The following CHIT1 variants were observed in gnomAD, a reference collection of about 807,000 sequenced individuals.
CHIT1 encodes chitotriosidase-1.
In CHIT1, 47 loss-of-function variants were observed where a neutral mutation model predicts 52.0. The ratio of observed to expected loss-of-function variants is 0.90; its 90% confidence interval spans 0.71 to 1.15. CHIT1 has a LOEUF of 1.15. Among genes scored for constraint, CHIT1 ranks in the 50% most tolerant of loss-of-function variants. CHIT1 has a pLI of 0.00. For missense variants in CHIT1, 569 were observed against 583.0 expected (o/e 0.98, Z 0.25); for synonymous variants, 242 against 228.2 (o/e 1.06, Z -0.54).
chr1:203,219,583 A>G, intron 8 of CHIT1, 81 bp downstream of exon 8: 1 of 1,508,040 alleles, frequency 6.6e-7, no homozygotes, highest in South Asian at 1.1e-5. Context: ...CTTACTCAGA[A>G]ACGGTGGGAG....
Position 203,225,741 on chromosome 1 carries a change from G to A in CHIT1, c.185C>T (p.Thr62Ile). The A allele has an allele frequency of 6.2e-7, 1 of 1,614,188 alleles. No homozygotes were observed. Among genetic ancestry groups the A allele is most frequent in the South Asian group, 1.1e-5 (1 of 91,084 alleles). Residue 62 changes from threonine (T) to isoleucine (I), a missense_variant, in exon 3 of 11, where the codon ACC (threonine) becomes ATC (isoleucine). Physicochemically the swap from Thr to Ile is moderately conservative, Grantham distance 89. Transcript: ENST00000367229. The stretch of plus-strand genomic sequence containing the variant: ...CTCAGTGGTGCTCAGCTGGTGGTTG[G>A]TCATGCCAGCGAAGGCGTAGATGAG... The part of the protein sequence containing the change: ...THLIYAFAGM[T>I]NHQLSTTEWN...
chr1:203,225,258 T>C (rs1462249599), intron 3 of CHIT1, among the ~76,000 whole-genome samples, 154 bp from the exon 4 acceptor site: 1 of 151,780 alleles, frequency 6.6e-6, no homozygotes, highest in Non-Finnish European at 1.5e-5. Flanking sequence ...CAGCTGTAGA[T>C]TGGAAAAGGG....
intron 10 of CHIT1, 21 bp from the exon 11 acceptor site, chr1:203,217,154 C>G (rs1053066614): frequency 6.2e-7 from 1 of 1,600,750 alleles, no homozygotes; most frequent in Non-Finnish European, 8.5e-7. Flanking sequence ...AGTGAAGATT[C>G]AACCAAGGCT....
In CHIT1 at chr1:203,216,697, G is replaced by T; in HGVS notation, c.*192C>A. ...GGGGCACAAACCAAAGATTTATTTT[G>T]CAAGTGAAAGGGGCAGCCCAGGAGA... is the stretch of plus-strand genomic sequence containing the variant. On this transcript the variant is annotated 3_prime_UTR_variant, in exon 11 of 11. Transcript: ENST00000367229. 1 of 729,556 alleles carries T rather than the reference G, an allele frequency of 1.4e-6. No homozygotes were observed. Among genetic ancestry groups the T allele is most frequent in the Non-Finnish European group, 2.4e-6 (1 of 416,334 alleles). 45.2% of individuals were successfully genotyped at this position (729,556 alleles called of 1,614,324 possible).
chr1:203,223,169 CAT>C lies in CHIT1; in HGVS notation c.569_570del (p.Tyr190CysfsTer35). The C allele has an allele frequency of 6.2e-7, 1 of 1,614,234 alleles. No individual in the cohort carries two copies. Among genetic ancestry groups the C allele is most frequent in the Non-Finnish European group, 8.5e-7 (1 of 1,180,038 alleles). ...LSAAVPAGQTYVDAGYEVDKI... is the reference protein window; with the variant it reads ...LSAAVPAGQTXVDAGYEVDKI... ...TTGTCCACCTCGTATCCAGCATCCA[CAT>C]AGGTCTGCCCAGCTGGAACCGCTGC... On this transcript the variant is annotated frameshift_variant, in exon 6 of 11. Transcript: ENST00000367229. LOFTEE classifies it high-confidence loss of function.
In CHIT1 at chr1:203,225,778, G is replaced by A. The variant is rs1446773799; in HGVS notation, c.148C>T (p.Leu50Phe). The change falls in exon 3 of 11, where the codon CTT becomes TTT. Residue 50 changes from leucine to phenylalanine, a missense_variant. Physicochemically the swap from Leu to Phe is conservative, Grantham distance 22 (BLOSUM62 0). Transcript: ENST00000367229. Reference sequence around the variant, plus strand: ...AAGGCGTAGATGAGGTGGGTGCAAAGGCTGGGGTCCAAGTCCTTGGGCAGG... The same window carrying A: ...AAGGCGTAGATGAGGTGGGTGCAAAAGCTGGGGTCCAAGTCCTTGGGCAGG... ...RFLPKDLDPSLCTHLIYAFAG... is the reference protein window; with the variant it reads ...RFLPKDLDPSFCTHLIYAFAG... 1.2e-6 allele frequency: 2 copies of A among 1,614,184 alleles called. No homozygotes were observed. Among genetic ancestry groups the A allele is most frequent in the Non-Finnish European group, 1.7e-6 (2 of 1,180,032 alleles).
rs114939540 is a variant in CHIT1 at position 203,228,627 on chromosome 1, C to T, written c.26-65G>A. 1,839 of 1,531,994 alleles carry T rather than the reference C, an allele frequency of 1.2e-3. 23 individuals are homozygous for T. The African/African-American group carries it at 0.024, about 20-fold the overall frequency. 94.9% of individuals were successfully genotyped at this position (1,531,994 alleles called of 1,614,324 possible). A position where few individuals can be genotyped will look rare whatever the true frequency, so the allele number is the denominator to read the frequency against. ...ATTCTCACCTTCCCAGGCCCCACAGCTTACGGAAGCACAGGAGGTGGTCAG... is the reference window on the plus strand; with the variant it reads ...ATTCTCACCTTCCCAGGCCCCACAGTTTACGGAAGCACAGGAGGTGGTCAG... On this transcript the variant is annotated intron_variant, in intron 1 of 10. Coordinates refer to ENST00000367229, the MANE Select transcript of CHIT1 (RefSeq NM_003465.3).
At chr1:203,222,436 C>T in intron 6 of CHIT1, 111 bp from the exon 7 acceptor site, 1 of 1,534,742 alleles carries the variant, frequency 6.5e-7, no homozygotes, top group East Asian at 2.3e-5. Context: ...CCACTGGGGT[C>T]AGAGGCAAAG....
At chr1:203,227,780 T>C (rs935441006) in intron 2 of CHIT1, among the ~76,000 whole-genome samples, 1 of 152,218 alleles carries the variant, frequency 6.6e-6, no homozygotes, top group Admixed American at 6.5e-5. Flanking sequence ...TGAGAAATCT[T>C]CCACCTCTCA....
Position 203,223,573 on chromosome 1 carries a change from G to T in CHIT1, c.402C>A (p.Gly134=). The change falls in exon 5 of 11, where the codon GGC becomes GGA. Residue 134 remains glycine (G), a synonymous_variant. Transcript: ENST00000367229. ...CTGGGTACTCCCAGTCAAGGTCAAG[G>T]CCGTCAAAGCTGTATTTGCGCAGAA... ...IRFLRKYSFD[G]LDLDWEYPGS... 6.2e-7 allele frequency: 1 copy of T among 1,614,186 alleles called. No individual in the cohort carries two copies. The highest frequency in any genetic ancestry group is 8.5e-7 in the Non-Finnish European group (1 of 1,180,028).
rs1558159341 is a variant in CHIT1, at chr1:203,219,691, C to T, written c.888G>A (p.Lys296=). The T allele has an allele frequency of 6.2e-7, 1 of 1,614,186 alleles. No homozygotes were observed. The highest frequency in any genetic ancestry group is 2.2e-5 in the East Asian group (1 of 44,878). The change falls in exon 8 of 11, where the codon AAG becomes AAA. Residue 296 remains lysine, a synonymous_variant. Coordinates refer to ENST00000367229, the MANE Select transcript of CHIT1 (RefSeq NM_003465.3). ...TGSGTPGPFT[K]EGGMLAYYEV... is the part of the protein sequence containing the mutation. Reference sequence around the variant, plus strand: ...CATAGTAGGCCAGCATCCCTCCTTCCTTGGTGAAGGGGCCTGGAGTGCCAG... The same window carrying T: ...CATAGTAGGCCAGCATCCCTCCTTCTTTGGTGAAGGGGCCTGGAGTGCCAG...
chr1:203,225,869 G>A lies in CHIT1; in HGVS notation c.57C>T (p.Gly19=). ...GFMVLLMIPW[G]SAAKLVCYFT... is the part of the protein sequence containing the mutation. ...AGTAGCAGACCAGTTTTGCAGCAGA[G>A]CCTGGCCCGTTGGAGTAAAGAAAAG... The change falls in exon 3 of 11, where the codon GGC becomes GGT. Residue 19 remains glycine, a splice_region_variant and synonymous_variant. Transcript: ENST00000367229. The A allele has an allele frequency of 6.2e-7, 1 of 1,614,182 alleles. No individual in the cohort carries two copies. Among genetic ancestry groups the A allele is most frequent in the Non-Finnish European group, 8.5e-7 (1 of 1,180,030 alleles).
rs1239652506 is a variant in CHIT1, at chr1:203,226,516, G to T, written c.56-646C>A. Among the ~76,000 whole-genome samples the T allele has an allele frequency of 2.6e-5, 4 of 152,318 alleles. No homozygotes were observed. The South Asian group carries it at 8.3e-4, about 32-fold the overall frequency. On this transcript the variant is annotated intron_variant, in intron 2 of 10. Coordinates refer to ENST00000367229, the MANE Select transcript of CHIT1 (RefSeq NM_003465.3). Reference sequence around the variant, plus strand: ...GAGGAGGCCCCAGTTACAGGCCTGGGTTTATGTTTCTTTAGTCTTGCATTA... The same window carrying T: ...GAGGAGGCCCCAGTTACAGGCCTGGTTTTATGTTTCTTTAGTCTTGCATTA...
At chr1:203,219,468 C>G in intron 8 of CHIT1, 139 bp from the exon 9 acceptor site, 1 of 869,172 alleles carries the variant, frequency 1.2e-6, no homozygotes, top group East Asian at 2.5e-5. Flanking sequence ...TTTGCAGTGA[C>G]CTAGAATTCT....
chr1:203,229,463 G>T (rs1021476040), intron 1 of CHIT1, 149 bp downstream of exon 1: 5 of 846,156 alleles, frequency 5.9e-6, no homozygotes, highest in African/African-American at 1.7e-5. Flanking sequence ...GGGACTGCAA[G>T]CCAGGAGGCA....
intron 7 of CHIT1, 141 bp downstream of exon 7, chr1:203,222,061 G>T: frequency 1.6e-6 from 2 of 1,239,378 alleles, no homozygotes; most frequent in Non-Finnish European, 2.3e-6. Context: ...AACAAAACAA[G>T]CAAGCAAAGA....
Position 203,222,184 on chromosome 1 carries a change from C to A in CHIT1, c.729+18G>T, listed in dbSNP as rs200225650. 5.0e-6 allele frequency: 8 copies of A among 1,613,502 alleles called. No homozygotes were observed. The East Asian group carries it at 1.8e-4, about 36-fold the overall frequency. On this transcript the variant is annotated intron_variant, in intron 7 of 10. Coordinates refer to ENST00000367229, the MANE Select transcript of CHIT1 (RefSeq NM_003465.3). ...GCTGGACAGGGGAGTCCTGCCTCAG[C>A]CCTCCTGCCACACGTACCACGTTGA...
At chr1:203,223,721 T>A (rs981444911) in intron 4 of CHIT1, 61 bp from the exon 5 acceptor site, 2 of 1,563,488 alleles carry the variant, frequency 1.3e-6, no homozygotes, top group Non-Finnish European at 1.8e-6. Flanking sequence ...CCACTCTTAC[T>A]CAGAAGCAGG....
chr1:203,224,831 T>G (rs1656865619), intron 4 of CHIT1, among the ~76,000 whole-genome samples: 2 of 152,302 alleles, frequency 1.3e-5, no homozygotes, highest in South Asian at 4.1e-4. Context: ...CTGGCAAGAC[T>G]GGATCTGAAA....
Sources: gnomAD v4.1 joint callset for allele counts (sites outside exome capture counted in the v4.1 genomes callset) on GRCh38, gnomAD v4.1.1 for gene constraint, MANE v1.5 for transcripts, NCBI Gene and HGNC (gene_info 2026-07-23, HGNC 2026-07-21) for gene names.